ATG7: variants seen among roughly 807,000 people sequenced by gnomAD.
ATG7 encodes the protein autophagy related 7.
Under a neutral mutation model 82.4 loss-of-function variants are expected in ATG7, and 70 were observed. The ratio of observed to expected loss-of-function variants is 0.85; its 90% CI spans 0.70 to 1.04. The LOEUF (loss-of-function observed/expected upper bound fraction) is 1.04, where lower values mean the gene tolerates loss of function less well. ATG7 is among the 50% of genes least tolerant of loss of function. The pLI, the probability that ATG7 is intolerant of heterozygous loss-of-function variation, is 0.00. For synonymous variants in ATG7, 287 were observed against 313.0 expected, an observed-to-expected ratio of 0.92 and a Z score of 0.88; for missense variants, 792 against 864.3, an observed-to-expected ratio of 0.92 and a Z score of 1.05.
At chr3:11,378,685 C>CAAAAAAAAAAAAAAAAAAAAAAAAAAAA (rs368506515) in intron 18 of ATG7, among the ~76,000 whole-genome samples, 1 of 78,936 alleles carries the variant, frequency 1.3e-5, no homozygotes, top group African/African-American at 7.0e-5. Flanking sequence ...ACTCCATCTC[C>CAAAAAAAAAAAAAAAAAAAAAAAAAAAA]AAAAAAAAAA....
intron 19 of ATG7, 115 bp from the exon 20 acceptor site, chr3:11,426,689 A>G (rs889747252): frequency 2.0e-5 from 21 of 1,045,898 alleles, no homozygotes; most frequent in Admixed American, 1.0e-4. Context: ...TATTATCCCC[A>G]TGTTTAATTC....
At chr3:11,501,565 GTTA>G (rs1189058240) in intron 20 of ATG7, among the ~76,000 whole-genome samples, 4 of 46,968 alleles carry the variant, frequency 8.5e-5, no homozygotes, top group East Asian at 1.2e-3. Context: ...GTGTGATAAT[GTTA>G]TTATGGTTGT....
intron 20 of ATG7, among the ~76,000 whole-genome samples, chr3:11,543,834 C>T (rs2071040644): frequency 6.6e-6 from 1 of 152,156 alleles, no homozygotes; most frequent in Non-Finnish European, 1.5e-5. Flanking sequence ...CCGCGGACCT[C>T]TGGGGACGGG....
At chr3:11,520,169 C>T (rs2124909081) in intron 20 of ATG7, among the ~76,000 whole-genome samples, 1 of 152,282 alleles carries the variant, frequency 6.6e-6, no homozygotes, top group African/African-American at 2.4e-5. Flanking sequence ...TAAACCCACC[C>T]AGAGTCACAC....
chr3:11,314,417 G>GTTA (rs1216201038), intron 8 of ATG7, among the ~76,000 whole-genome samples: 1 of 147,670 alleles, frequency 6.8e-6, no homozygotes, highest in African/African-American at 2.4e-5. Context: ...AATTTTTTTT[G>GTTA]TTGTTGTTCG....
At chr3:11,414,393 G>A (rs2081187236) in intron 19 of ATG7, among the ~76,000 whole-genome samples, 1 of 152,058 alleles carries the variant, frequency 6.6e-6, no homozygotes. Context: ...TATGTATCCT[G>A]CACCCTATGT....
chr3:11,388,685 C>T (rs2078517577), intron 19 of ATG7, among the ~76,000 whole-genome samples: 1 of 152,040 alleles, frequency 6.6e-6, no homozygotes, highest in African/African-American at 2.4e-5. Flanking sequence ...ACCTCGGCCT[C>T]CCAAAGTGCT....
chr3:11,530,231 G>A (rs963554187), intron 20 of ATG7, among the ~76,000 whole-genome samples: 3 of 152,194 alleles, frequency 2.0e-5, no homozygotes, highest in African/African-American at 7.2e-5. Flanking sequence ...ATTTGTCAGA[G>A]CGGCTCCCAG....
intron 18 of ATG7, among the ~76,000 whole-genome samples, chr3:11,379,629 A>T (rs2077718344): frequency 6.6e-6 from 1 of 152,218 alleles, no homozygotes; most frequent in Non-Finnish European, 1.5e-5. Context: ...AGAGTTGAGT[A>T]TACCAGTGGA....
chr3:11,418,127 T>G (rs1374466443), intron 19 of ATG7, among the ~76,000 whole-genome samples: 1 of 150,564 alleles, frequency 6.6e-6, no homozygotes, highest in Non-Finnish European at 1.5e-5. Flanking sequence ...TTTTTTAAGG[T>G]AGGGTCTCAC....
At position 11,331,309 on chromosome 3, in the gene ATG7, G is replaced by A. The variant is rs777978597; in HGVS notation, c.679-31G>A. On this transcript the variant is annotated intron_variant, in intron 9 of 20. Transcript: ENST00000693202. ...GTATTGTGAAGCTGACATGATACTC[G>A]ACTTACTCAGAAAGTCTTTTTTGTT... The A allele has an allele frequency of 4.6e-6, 7 of 1,521,588 alleles. No homozygotes were observed. The East Asian group carries it at 6.8e-5, about 15-fold the overall frequency. The allele number at this position is 1,521,588 out of a possible 1,614,324, so 94.3% of individuals were successfully genotyped here.
chr3:11,460,873 G>C (rs1053339787), intron 20 of ATG7, among the ~76,000 whole-genome samples: 1 of 152,238 alleles, frequency 6.6e-6, no homozygotes, highest in Admixed American at 6.5e-5. Flanking sequence ...CCCTAACCCT[G>C]ATTCCATCCA....
chr3:11,501,557 G>GT (rs1350296231), intron 20 of ATG7, among the ~76,000 whole-genome samples: 1 of 24,706 alleles, frequency 4.0e-5, no homozygotes, highest in African/African-American at 1.5e-4. Flanking sequence ...ATAGATAGGT[G>GT]TGATAATGTT....
chr3:11,426,690 T>G (rs2082391866), intron 19 of ATG7, 114 bp from the exon 20 acceptor site: 1 of 1,054,666 alleles, frequency 9.5e-7, no homozygotes, highest in Non-Finnish European at 1.3e-6. Flanking sequence ...ATTATCCCCA[T>G]GTTTAATTCT....
the ATG7 span, among the ~76,000 whole-genome samples, chr3:11,572,839 G>C: frequency 1.3e-5 from 2 of 151,910 alleles, no homozygotes; most frequent in Non-Finnish European, 2.9e-5. Flanking sequence ...TTTATGGACC[G>C]GCGCCTGGGC....
chr3:11,438,451 A>G (rs910819112), intron 20 of ATG7, among the ~76,000 whole-genome samples: 6 of 152,192 alleles, frequency 3.9e-5, no homozygotes, highest in South Asian at 2.1e-4. Context: ...CTGTAGTCCT[A>G]GCTACTTGGG....
In ATG7 at chr3:11,555,052, ACCTTGG is replaced by A. The variant is rs1257210991; in HGVS notation, c.*221_*226del. 1.4e-5 allele frequency: 8 copies of A among 592,060 alleles called. No individual in the cohort carries two copies. The highest frequency in any genetic ancestry group is 3.1e-5 in the East Asian group (1 of 32,054). The allele number at this position is 592,060 out of a possible 1,614,324, so 36.7% of individuals were successfully genotyped here. A position where few individuals can be genotyped will look rare whatever the true frequency, so the allele number is the denominator to read the frequency against. On this transcript the variant is annotated 3_prime_UTR_variant, in exon 21 of 21. Coordinates refer to ENST00000693202, the MANE Select transcript of ATG7 (RefSeq NM_001349232.2). Reference sequence around the variant, plus strand: ...ACCACCAGTTCAGAGCTAAATAATAACCTTGGCCTTGGCCTTGCTATTGACCTGGGA... The same window carrying A: ...ACCACCAGTTCAGAGCTAAATAATAACCTTGGCCTTGCTATTGACCTGGGA...
chr3:11,315,229 G>A, intron 8 of ATG7, 115 bp from the exon 9 acceptor site: 1 of 938,084 alleles, frequency 1.1e-6, no homozygotes, highest in Non-Finnish European at 1.5e-6. Flanking sequence ...TAAGAGGAGT[G>A]TGATCAGTCA....
At chr3:11,551,701 A>G (rs898135345) in intron 20 of ATG7, among the ~76,000 whole-genome samples, 1 of 151,888 alleles carries the variant, frequency 6.6e-6, no homozygotes, top group African/African-American at 2.4e-5. Context: ...AAGTGCTGGG[A>G]TTACAGGCAC....
Sources: gnomAD v4.1 joint callset for allele counts (sites outside exome capture counted in the v4.1 genomes callset) on GRCh38, gnomAD v4.1.1 for gene constraint, MANE v1.5 for transcripts, NCBI Gene and HGNC (gene_info 2026-07-23, HGNC 2026-07-21) for gene names.